Variants in MEX3D observed in about 807,000 individuals in gnomAD.
MEX3D encodes RNA-binding protein MEX3D.
In MEX3D, 4 loss-of-function variants were observed where a neutral mutation model predicts 6.3. That is an observed-to-expected ratio of 0.64 (90% CI 0.31 to 1.46). The LOEUF is 1.46. Ranked by LOEUF, MEX3D falls within the 40% of genes most tolerant of loss-of-function variation. The probability of loss-of-function intolerance (pLI) is 0.07; values close to 1 mark genes in which losing one functional copy is unlikely to be tolerated. For synonymous variants in MEX3D, 626 were observed against 494.1 expected (o/e 1.27, Z -3.54); for missense variants, 1,038 against 994.4 (o/e 1.04, Z -0.59).
intron 1 of MEX3D, among the ~76,000 whole-genome samples, chr19:1,564,882 C>G (rs529289855): frequency 6.6e-6 from 1 of 151,798 alleles, no homozygotes; most frequent in African/African-American, 2.4e-5. Flanking sequence ...GCACAAAGGA[C>G]ATTGAAAGGT....
chr19:1,556,533 C>A lies in MEX3D; in HGVS notation c.986G>T (p.Arg329Leu). ...GTGCGCCTCGATCTCCTCGCGCGCG[C>A]GGTCCACGTTCTCGGGCATCCCAGT... is the stretch of plus-strand genomic sequence containing the variant. ...AVTGMPENVD[R>L]AREEIEAHIT... Residue 329 changes from arginine to leucine, a missense_variant, in exon 2 of 2, where the codon CGC becomes CTC. Transcript: ENST00000402693. This position sits in a 1 kb window ranked among gnomAD's most constrained non-coding sequence, Gnocchi z 7.5. 6.2e-7 allele frequency: 1 copy of A among 1,606,898 alleles called. No individual in the cohort carries two copies. Among genetic ancestry groups the A allele is most frequent in the Middle Eastern group, 1.7e-4 (1 of 6,048 alleles).
chr19:1,558,846 G>T (rs1450694982), intron 1 of MEX3D, among the ~76,000 whole-genome samples: 3 of 152,224 alleles, frequency 2.0e-5, no homozygotes, highest in Admixed American at 6.5e-5. Context: ...TGGGCTGGGG[G>T]TCTGACCTGG....
rs564904341 is a variant in MEX3D at position 1,555,178 on chromosome 19, G to A, written c.*385C>T. The A allele has an allele frequency of 3.8e-5, 27 of 714,816 alleles. No homozygotes were observed. The highest frequency in any genetic ancestry group is 2.8e-4 in the South Asian group (14 of 50,012). 44.3% of individuals were successfully genotyped at this position (714,816 alleles called of 1,614,324 possible). ...AAAAGTCAAATCAGAAAACGGCTTC[G>A]GACGAAAGGAAAAAACGCTGAGCGC... On this transcript the variant is annotated 3_prime_UTR_variant, in exon 2 of 2. Coordinates refer to ENST00000402693, the MANE Select transcript of MEX3D (RefSeq NM_203304.4).
intron 1 of MEX3D, among the ~76,000 whole-genome samples, chr19:1,558,560 C>T (rs77262879): frequency 3.5e-4 from 53 of 152,252 alleles, no homozygotes; most frequent in Non-Finnish European, 6.2e-4. Flanking sequence ...GGAGACGTTT[C>T]CATGGTTTCA....
Position 1,567,422 on chromosome 19 carries a change from C to A in MEX3D, c.595+42G>T. On this transcript the variant is annotated intron_variant, in intron 1 of 1. Transcript: ENST00000402693. The surrounding 1 kb of genome is among the most constrained non-coding windows in gnomAD (Gnocchi z 6.5). The stretch of plus-strand genomic sequence containing the variant: ...ACCCCCTTCCCCGGGGCGGACGGTG[C>A]GGGGACCCCCAGGACAGCAACCCCC... The A allele has an allele frequency of 2.6e-6, 4 of 1,529,400 alleles. No homozygotes were observed. The highest frequency in any genetic ancestry group is 2.7e-5 in the East Asian group (1 of 36,376). 94.7% of individuals were successfully genotyped at this position (1,529,400 alleles called of 1,614,324 possible). A position where few individuals can be genotyped will look rare whatever the true frequency, so the allele number is the denominator to read the frequency against.
At position 1,559,609 on chromosome 19, in the gene MEX3D, G is replaced by A. The variant is rs566360732; in HGVS notation, c.596-2686C>T. Among the ~76,000 whole-genome samples, 106 of 152,336 alleles carry A rather than the reference G, an allele frequency of 7.0e-4. 1 individual carries two copies. The highest frequency in any genetic ancestry group is 1.3e-3 in the Non-Finnish European group (86 of 68,030). On this transcript the variant is annotated intron_variant, in intron 1 of 1. Transcript: ENST00000402693. ...CACTGCTCACAACCCCTCAGGCTCT[G>A]GGGAAGCAGAGGGAGCTGCAGGGAT...
At chr19:1,560,523 C>T (rs911270697) in intron 1 of MEX3D, among the ~76,000 whole-genome samples, 4 of 152,208 alleles carry the variant, frequency 2.6e-5, no homozygotes, top group African/African-American at 7.2e-5. Context: ...GCTGCCCCGA[C>T]GTGGCCACCG....
At position 1,567,772 on chromosome 19, in the gene MEX3D, CCGCCGTCCGCGCCCCCCGCCGCCGCTG is replaced by C. The variant is rs923786360; in HGVS notation, c.260_286del (p.Ala87_Gly95del). On this transcript the variant is annotated inframe_deletion, in exon 1 of 2. Coordinates refer to ENST00000402693, the MANE Select transcript of MEX3D (RefSeq NM_203304.4). This position sits in a 1 kb window ranked among gnomAD's most constrained non-coding sequence, Gnocchi z 6.5. ...GGGGGGCACAGGCTCCGGAGCCGCC[CCGCCGTCCGCGCCCCCCGCCGCCGCTG>C]CGCCGTCCCCGGCCGCCCCCTCCTC... 8 of 960,000 alleles carry C rather than the reference CCGCCGTCCGCGCCCCCCGCCGCCGCTG, an allele frequency of 8.3e-6. No individual in the cohort carries two copies. Among genetic ancestry groups the C allele is most frequent in the Non-Finnish European group, 9.9e-6 (8 of 805,756 alleles). The allele number at this position is 960,000 out of a possible 1,614,324, so 59.5% of individuals were successfully genotyped here. A position where few individuals can be genotyped will look rare whatever the true frequency, so the allele number is the denominator to read the frequency against.
In MEX3D at chr19:1,556,312, C is replaced by T. The variant is rs1914555287; in HGVS notation, c.1207G>A (p.Glu403Lys). 7 of 1,320,058 alleles carry T rather than the reference C, an allele frequency of 5.3e-6. No individual in the cohort carries two copies. Among genetic ancestry groups the T allele is most frequent in the Admixed American group, 8.4e-5 (2 of 23,750 alleles). 81.8% of individuals were successfully genotyped at this position (1,320,058 alleles called of 1,614,324 possible). A position where few individuals can be genotyped will look rare whatever the true frequency, so the allele number is the denominator to read the frequency against. The change falls in exon 2 of 2, where the codon GAG becomes AAG. Residue 403 changes from glutamate (E) to lysine (K), a missense_variant. Physicochemically the swap from Glu to Lys is moderately conservative, Grantham distance 56 (BLOSUM62 1). Transcript: ENST00000402693. The surrounding 1 kb of genome is among the most constrained non-coding windows in gnomAD (Gnocchi z 7.5). ...DTALGAPSAPEAFYAGSRGGP... is the reference protein window; with the variant it reads ...DTALGAPSAPKAFYAGSRGGP... ...CCGCGGCTGCCCGCGTAGAAGGCCT[C>T]GGGGGCGCTGGGGGCGCCCAGGGCC...
intron 1 of MEX3D, among the ~76,000 whole-genome samples, chr19:1,564,637 C>T (rs771538670): frequency 9.2e-5 from 14 of 151,874 alleles, no homozygotes; most frequent in Non-Finnish European, 1.6e-4. Flanking sequence ...CCAGAAAGCA[C>T]TCGGACCCCC....
chr19:1,565,347 GC>G (rs1914813312), intron 1 of MEX3D, among the ~76,000 whole-genome samples: 1 of 152,296 alleles, frequency 6.6e-6, no homozygotes, highest in African/African-American at 2.4e-5. Flanking sequence ...TTCGAGACCA[GC>G]CTGGACAACA....
intron 1 of MEX3D, among the ~76,000 whole-genome samples, chr19:1,561,638 A>C (rs1344440069): frequency 1.3e-5 from 2 of 151,820 alleles, no homozygotes; most frequent in African/African-American, 4.8e-5. Flanking sequence ...GGAGTTCGAG[A>C]CCAGCCTGGG....
rs1914517483 is a variant in MEX3D at position 1,555,739 on chromosome 19, G to A, written c.1780C>T (p.Pro594Ser). The change falls in exon 2 of 2, where the codon CCG becomes TCG. Residue 594 changes from proline (P) to serine (S), a missense_variant. Transcript: ENST00000402693. Reference sequence around the variant, plus strand: ...ACCACGCACTCTCGCGCCAGGGCCGGGGCCGAGGACGCCGAAGGGGGCTTG... The same window carrying A: ...ACCACGCACTCTCGCGCCAGGGCCGAGGCCGAGGACGCCGAAGGGGGCTTG... ...SRKPPSASSA[P>S]ALARECVVCA... The A allele has an allele frequency of 1.3e-6, 2 of 1,518,004 alleles. No homozygotes were observed. Among genetic ancestry groups the A allele is most frequent in the East Asian group, 2.6e-5 (1 of 38,294 alleles). 94.0% of individuals were successfully genotyped at this position (1,518,004 alleles called of 1,614,324 possible).
chr19:1,567,589 A>C lies in MEX3D; in HGVS notation c.470T>G (p.Leu157Arg), dbSNP rs1914875543. ...GTCGGCCAGCAGCGTCGGGGGCCCCAGGGCCGCGGGGTGGGGCGCGAAGCC... is the reference window on the plus strand; with the variant it reads ...GTCGGCCAGCAGCGTCGGGGGCCCCCGGGCCGCGGGGTGGGGCGCGAAGCC... ...FAGFAPHPAA[L>R]GPPTLLADQM... The change falls in exon 1 of 2, where the codon CTG becomes CGG. Residue 157 changes from leucine (L) to arginine (R), a missense_variant. Transcript: ENST00000402693. This position sits in a 1 kb window ranked among gnomAD's most constrained non-coding sequence, Gnocchi z 6.5. The C allele has an allele frequency of 2.0e-6, 3 of 1,466,570 alleles. No homozygotes were observed. The highest frequency in any genetic ancestry group is 2.5e-5 in the Admixed American group (1 of 39,530). 90.8% of individuals were successfully genotyped at this position (1,466,570 alleles called of 1,614,324 possible). A position where few individuals can be genotyped will look rare whatever the true frequency, so the allele number is the denominator to read the frequency against.
rs749028528 is a variant in MEX3D, at chr19:1,555,283, A to G, written c.*280T>C. The stretch of plus-strand genomic sequence containing the variant: ...GGTGTCTAAAAATAAGAAAACTAAA[A>G]AAAGTGCAAGCGGACCTTTTCTCTC... On this transcript the variant is annotated 3_prime_UTR_variant, in exon 2 of 2. Transcript: ENST00000402693. 4.5e-6 allele frequency: 7 copies of G among 1,546,376 alleles called. No homozygotes were observed. The highest frequency in any genetic ancestry group is 1.7e-4 in the Middle Eastern group (1 of 5,748).
intron 1 of MEX3D, among the ~76,000 whole-genome samples, chr19:1,560,393 C>T (rs1914687179): frequency 1.3e-5 from 2 of 152,218 alleles, no homozygotes; most frequent in South Asian, 2.1e-4. Context: ...TGAGCCTGTT[C>T]CCCATCACGC....
Position 1,556,210 on chromosome 19 carries a change from C to T in MEX3D, c.1309G>A (p.Glu437Lys), listed in dbSNP as rs1568263964. The T allele has an allele frequency of 1.4e-6, 2 of 1,432,886 alleles. No homozygotes were observed. The highest frequency in any genetic ancestry group is 3.3e-5 in the East Asian group (1 of 29,948). The allele number at this position is 1,432,886 out of a possible 1,614,324, so 88.8% of individuals were successfully genotyped here. A position where few individuals can be genotyped will look rare whatever the true frequency, so the allele number is the denominator to read the frequency against. Residue 437 changes from glutamate (E) to lysine (K), a missense_variant, in exon 2 of 2, where the codon GAG becomes AAG. Physicochemically the swap from Glu to Lys is moderately conservative, Grantham distance 56. Coordinates refer to ENST00000402693, the MANE Select transcript of MEX3D (RefSeq NM_203304.4). This position sits in a 1 kb window ranked among gnomAD's most constrained non-coding sequence, Gnocchi z 7.5. The stretch of plus-strand genomic sequence containing the variant: ...GTCCCCACCGGGGCACCGGGACCCT[C>T]CGCGCCGAAGGCGAAGCCCCCGTTG... The part of the protein sequence containing the change: ...SGNGGFAFGA[E>K]GPGAPVGTAA...
At chr19:1,561,461 C>T (rs1368708769) in intron 1 of MEX3D, among the ~76,000 whole-genome samples, 1 of 152,238 alleles carries the variant, frequency 6.6e-6, no homozygotes, top group African/African-American at 2.4e-5. Context: ...AGACCTGGGC[C>T]ACTATGGAAG....
At chr19:1,563,342 C>CTTA (rs1415468193) in intron 1 of MEX3D, among the ~76,000 whole-genome samples, 1 of 152,218 alleles carries the variant, frequency 6.6e-6, no homozygotes, top group African/African-American at 2.4e-5. Flanking sequence ...AATCACTAGC[C>CTTA]TTAGCCTGTG....
Sources: gnomAD v4.1 joint callset for allele counts (sites outside exome capture counted in the v4.1 genomes callset) on GRCh38, gnomAD v4.1.1 for gene constraint, Gnocchi (gnomAD v3.1) non-coding constraint, MANE v1.5 for transcripts, NCBI Gene and HGNC (gene_info 2026-07-23, HGNC 2026-07-21) for gene names.